PCDHGB2: variants seen among roughly 807,000 people sequenced by gnomAD.
The protein encoded by PCDHGB2 is protocadherin gamma subfamily B, 2.
PCDHGB2 carries 55 observed loss-of-function variants against 59.3 expected under a neutral mutation model. The observed-to-expected ratio is 0.93, with a 90% confidence interval of 0.75 to 1.16. The LOEUF (loss-of-function observed/expected upper bound fraction) is 1.16. PCDHGB2 is among the 50% of genes most tolerant of loss of function. The pLI, the probability that PCDHGB2 is intolerant of heterozygous loss-of-function variation, is 0.00. For synonymous variants in PCDHGB2, 516 were observed against 512.0 expected (o/e 1.01, Z -0.11); for missense variants, 1,228 against 1,198.5 (o/e 1.02, Z -0.36).
chr5:141,421,991 A>T, intron 1 of PCDHGB2: 1 of 1,608,656 alleles, frequency 6.2e-7, no homozygotes, highest in Non-Finnish European at 8.5e-7. Context: ...GTTCCAGAAA[A>T]CATCAGCTCC....
intron 1 of PCDHGB2, chr5:141,409,341 G>A (rs753232321): frequency 1.9e-6 from 3 of 1,613,976 alleles, no homozygotes; most frequent in Non-Finnish European, 2.5e-6. Flanking sequence ...GGAGGAAATG[G>A]AGAAGTCAGG....
At position 141,431,869 on chromosome 5, in the gene PCDHGB2, T is replaced by C. The variant is rs140856757; in HGVS notation, c.2422-62938T>C. ...GAGGGACATTAATTGCCCTTTTAAA[T>C]GTAAATGACCAAGATTCTGAGGAAA... is the stretch of plus-strand genomic sequence containing the variant. On this transcript the variant is annotated intron_variant, in intron 1 of 3. Transcript: ENST00000522605. The surrounding 1 kb of genome is among the most constrained non-coding windows in gnomAD (Gnocchi z 4.8). 8.5e-4 allele frequency: 1,376 copies of C among 1,614,252 alleles called. 2 individuals carry two copies. Among genetic ancestry groups the C allele is most frequent in the Non-Finnish European group, 1.1e-3 (1,291 of 1,180,028 alleles).
At chr5:141,382,174 T>C (rs565518933) in intron 1 of PCDHGB2, among the ~76,000 whole-genome samples, 1 of 152,302 alleles carries the variant, frequency 6.6e-6, no homozygotes, top group African/African-American at 2.4e-5. Context: ...TTAGACCGTC[T>C]CTAAGGTTCT....
chr5:141,441,442 C>G (rs938839707), intron 1 of PCDHGB2: 1 of 160,500 alleles, frequency 6.2e-6, no homozygotes, highest in African/African-American at 2.4e-5. Context: ...CTCGTCCAGC[C>G]CAAGCATCAC....
chr5:141,365,125 C>T, intron 1 of PCDHGB2: 2 of 1,613,882 alleles, frequency 1.2e-6, no homozygotes, highest in Non-Finnish European at 1.7e-6. Context: ...TCATGCTAAC[C>T]GCCACGGATC....
chr5:141,398,783 A>G (rs1300541880), intron 1 of PCDHGB2: 4 of 1,613,944 alleles, frequency 2.5e-6, no homozygotes, highest in Non-Finnish European at 3.4e-6. Flanking sequence ...GACGGTGGAC[A>G]TCCACCCCTA....
At position 141,431,684 on chromosome 5, in the gene PCDHGB2, C is replaced by A. The variant is rs1017231854; in HGVS notation, c.2422-63123C>A. On this transcript the variant is annotated intron_variant, in intron 1 of 3. Transcript: ENST00000522605. This position sits in a 1 kb window ranked among gnomAD's most constrained non-coding sequence, Gnocchi z 4.8. Reference sequence around the variant, plus strand: ...AATATCAACAATAGGGGAGTTGGACCACGAGGAGTCAGGATTCTACCAGAT... The same window carrying A: ...AATATCAACAATAGGGGAGTTGGACAACGAGGAGTCAGGATTCTACCAGAT... The A allele has an allele frequency of 1.9e-6, 3 of 1,614,186 alleles. No homozygotes were observed. Among genetic ancestry groups the A allele is most frequent in the Admixed American group, 1.7e-5 (1 of 60,032 alleles).
At position 141,477,850 on chromosome 5, in the gene PCDHGB2, G is replaced by A; in HGVS notation, c.2422-16957G>A. On this transcript the variant is annotated intron_variant, in intron 1 of 3. Transcript: ENST00000522605. The surrounding 1 kb of genome is among the most constrained non-coding windows in gnomAD (Gnocchi z 4.9). ...CTCGGCCAGGTGGGAGCTCGGTGGAGATGCTGCCTCGAGGTACCTCAGCTG... is the reference window on the plus strand; with the variant it reads ...CTCGGCCAGGTGGGAGCTCGGTGGAAATGCTGCCTCGAGGTACCTCAGCTG... 6.2e-7 allele frequency: 1 copy of A among 1,613,446 alleles called. No homozygotes were observed. Among genetic ancestry groups the A allele is most frequent in the Admixed American group, 1.7e-5 (1 of 59,958 alleles).
rs759146011 is a variant in PCDHGB2, at chr5:141,477,635, G to A, written c.2422-17172G>A. 6.2e-7 allele frequency: 1 copy of A among 1,614,138 alleles called. No homozygotes were observed. The highest frequency in any genetic ancestry group is 8.5e-7 in the Non-Finnish European group (1 of 1,180,040). On this transcript the variant is annotated intron_variant, in intron 1 of 3. Coordinates refer to ENST00000522605, the MANE Select transcript of PCDHGB2 (RefSeq NM_018923.3). This position sits in a 1 kb window ranked among gnomAD's most constrained non-coding sequence, Gnocchi z 4.9. ...GCAAGGAGCTGAAACCGGGCTAGTG[G>A]GTCGCTATTTCACAATAAATCGTGA...
chr5:141,450,210 G>T (rs2098673599), intron 1 of PCDHGB2, among the ~76,000 whole-genome samples: 1 of 151,786 alleles, frequency 6.6e-6, no homozygotes. Flanking sequence ...TAGAGACAAG[G>T]TTTCACTATG....
At position 141,477,896 on chromosome 5, in the gene PCDHGB2, G is replaced by A. The variant is rs1444527086; in HGVS notation, c.2422-16911G>A. 2 of 1,614,174 alleles carry A rather than the reference G, an allele frequency of 1.2e-6. No individual in the cohort carries two copies. Among genetic ancestry groups the A allele is most frequent in the Non-Finnish European group, 1.7e-6 (2 of 1,180,038 alleles). ...AGCTGGCCACCTAGTGTCACGGGTG[G>A]TAGGCTGGGACGCGGATGCAGGGCA... On this transcript the variant is annotated intron_variant, in intron 1 of 3. Coordinates refer to ENST00000522605, the MANE Select transcript of PCDHGB2 (RefSeq NM_018923.3). The surrounding 1 kb of genome is among the most constrained non-coding windows in gnomAD (Gnocchi z 4.9).
At chr5:141,455,842 C>T (rs1224197325) in intron 1 of PCDHGB2, among the ~76,000 whole-genome samples, 1 of 150,876 alleles carries the variant, frequency 6.6e-6, no homozygotes, top group Non-Finnish European at 1.5e-5. Context: ...TGTCTATCTG[C>T]ATAAAATAAT....
At chr5:141,400,420 T>C (rs1323719998) in intron 1 of PCDHGB2, 1 of 1,613,936 alleles carries the variant, frequency 6.2e-7, no homozygotes, top group Non-Finnish European at 8.5e-7. Context: ...TTTCCTAAAA[T>C]GTAGTGAGCA....
intron 1 of PCDHGB2, chr5:141,383,815 G>T (rs1221512502): frequency 1.2e-6 from 2 of 1,613,964 alleles, no homozygotes; most frequent in Non-Finnish European, 1.7e-6. Context: ...AACTTTAGAA[G>T]GATTAGATTA....
At chr5:141,457,071 C>T in intron 1 of PCDHGB2, among the ~76,000 whole-genome samples, 1 of 152,188 alleles carries the variant, frequency 6.6e-6, no homozygotes, top group Non-Finnish European at 1.5e-5. Context: ...TTGCCAGTAA[C>T]TATTATCCCT....
At chr5:141,438,649 CACATATATGTAT>C (rs1346265042) in intron 1 of PCDHGB2, among the ~76,000 whole-genome samples, 20 of 100,970 alleles carry the variant, frequency 2.0e-4, no homozygotes, top group Admixed American at 2.1e-4. Flanking sequence ...CACACACACA[CACATATATGTAT>C]ATATATATTT....
At chr5:141,422,900 A>G (rs2096684887) in intron 1 of PCDHGB2, 2 of 1,614,220 alleles carry the variant, frequency 1.2e-6, no homozygotes, top group South Asian at 2.2e-5. Flanking sequence ...GACCAGAACG[A>G]CAATGCGCCC....
chr5:141,389,726 C>G (rs150721796), intron 1 of PCDHGB2: 2 of 1,612,720 alleles, frequency 1.2e-6, no homozygotes, highest in Non-Finnish European at 1.7e-6. Flanking sequence ...AGCCCGGGCT[C>G]TTCAGCCTGG....
chr5:141,431,333 C>T lies in PCDHGB2; in HGVS notation c.2422-63474C>T. 1 of 1,614,058 alleles carries T rather than the reference C, an allele frequency of 6.2e-7. No individual in the cohort carries two copies. Among genetic ancestry groups the T allele is most frequent in the Non-Finnish European group, 8.5e-7 (1 of 1,180,030 alleles). On this transcript the variant is annotated intron_variant, in intron 1 of 3. Coordinates refer to ENST00000522605, the MANE Select transcript of PCDHGB2 (RefSeq NM_018923.3). The surrounding 1 kb of genome is among the most constrained non-coding windows in gnomAD (Gnocchi z 4.8). ...AAATGGAGCCGACGGTAGTAAGTAC[C>T]CCGAATTGGTGCTGAAACGCGCCCT...
Sources: gnomAD v4.1 joint callset for allele counts (sites outside exome capture counted in the v4.1 genomes callset) on GRCh38, gnomAD v4.1.1 for gene constraint, Gnocchi (gnomAD v3.1) non-coding constraint, MANE v1.5 for transcripts, NCBI Gene and HGNC (gene_info 2026-07-23, HGNC 2026-07-21) for gene names.